The following LRRC4C variants were observed in gnomAD, a reference collection of about 807,000 sequenced individuals.
LRRC4C encodes leucine rich repeat containing 4C, also known as leucine-rich repeat-containing protein 4C.
Under a neutral mutation model 33.6 loss-of-function variants are expected in LRRC4C, and 5 were observed. The ratio of observed to expected loss-of-function variants is 0.15; its 90% CI spans 0.08 to 0.31. The LOEUF (loss-of-function observed/expected upper bound fraction) is 0.31. Ranked by LOEUF, LRRC4C falls within the 10% of genes least tolerant of loss-of-function variation. LRRC4C has a pLI of 1.00. For synonymous variants in LRRC4C, 329 were observed against 302.0 expected (o/e 1.09, Z -0.93); for missense variants, 560 against 796.7 (o/e 0.70, Z 3.58).
intron 3 of LRRC4C, among the ~76,000 whole-genome samples, chr11:40,353,692 C>T (rs533316357): frequency 1.1e-4 from 16 of 152,222 alleles, no homozygotes; most frequent in African/African-American, 3.6e-4. Context: ...CCAGCCTGGG[C>T]GATACAGCGA....
In LRRC4C at chr11:41,420,706, C is replaced by G. The variant is rs1489490745; in HGVS notation, c.-496+38725G>C. Among the ~76,000 whole-genome samples, 7 of 152,124 alleles carry G rather than the reference C, an allele frequency of 4.6e-5. No homozygotes were observed. In the Middle Eastern group the frequency reaches 0.014, roughly 296 times the overall value. On this transcript the variant is annotated intron_variant, in intron 1 of 6. Transcript: ENST00000528697. ...TTCTTGGCTTTCAATCATGGCCCCA[C>G]TAATTACAAGCTGGTTACTTAACAT... is the stretch of plus-strand genomic sequence containing the variant.
At chr11:40,435,094 G>T (rs766123418) in intron 3 of LRRC4C, among the ~76,000 whole-genome samples, 1 of 152,110 alleles carries the variant, frequency 6.6e-6, no homozygotes, top group Non-Finnish European at 1.5e-5. Flanking sequence ...GTAGGAGTAG[G>T]ATAAAAATAT....
At chr11:41,003,995 T>A (rs1188826267) in intron 1 of LRRC4C, among the ~76,000 whole-genome samples, 2 of 151,694 alleles carry the variant, frequency 1.3e-5, no homozygotes, top group Non-Finnish European at 2.9e-5. Context: ...TGGGGACAAG[T>A]GTCAAGGACA....
At chr11:40,851,610 A>T (rs1478168181) in intron 2 of LRRC4C, among the ~76,000 whole-genome samples, 1 of 152,022 alleles carries the variant, frequency 6.6e-6, no homozygotes, top group Non-Finnish European at 1.5e-5. Flanking sequence ...CTAATTTTTT[A>T]ATTTAAAAAA....
At chr11:40,444,980 A>G (rs2061393832) in intron 3 of LRRC4C, among the ~76,000 whole-genome samples, 2 of 152,168 alleles carry the variant, frequency 1.3e-5, no homozygotes, top group African/African-American at 4.8e-5. Context: ...TCTTTCTTAA[A>G]TCTTAGTGAT....
chr11:40,629,653 A>G (rs1963281626), intron 3 of LRRC4C, among the ~76,000 whole-genome samples: 1 of 152,184 alleles, frequency 6.6e-6, no homozygotes, highest in African/African-American at 2.4e-5. Context: ...GATTAAGAAC[A>G]TTGAGTATAG....
At chr11:40,320,461 G>C (rs769334322) in intron 3 of LRRC4C, among the ~76,000 whole-genome samples, 2 of 152,068 alleles carry the variant, frequency 1.3e-5, no homozygotes, top group Non-Finnish European at 2.9e-5. Context: ...AGCTGAGATC[G>C]CGCCACTGCA....
At chr11:40,777,384 T>C (rs566982479) in intron 2 of LRRC4C, among the ~76,000 whole-genome samples, 2 of 152,248 alleles carry the variant, frequency 1.3e-5, no homozygotes, top group African/African-American at 4.8e-5. Context: ...GAAATACTTG[T>C]TTTATGAATC....
intron 4 of LRRC4C, among the ~76,000 whole-genome samples, chr11:40,311,139 G>T: frequency 6.6e-6 from 1 of 152,084 alleles, no homozygotes; most frequent in East Asian, 1.9e-4. Flanking sequence ...AAAATCTTCT[G>T]TGATCAAGGC....
chr11:40,515,733 A>G lies in LRRC4C; in HGVS notation c.-270+132409T>C, dbSNP rs1278432187. The stretch of plus-strand genomic sequence containing the variant: ...ATTTTAAAATGCAGTAAAATTTCCA[A>G]CAATTATTAAAAATCAGGTGTTTTT... On this transcript the variant is annotated intron_variant, in intron 3 of 6. Transcript: ENST00000528697. Among the ~76,000 whole-genome samples, 4 of 152,226 alleles carry G rather than the reference A, an allele frequency of 2.6e-5. No individual in the cohort carries two copies. In the East Asian group the frequency reaches 7.7e-4, roughly 29 times the overall value.
At position 40,796,227 on chromosome 11, in the gene LRRC4C, T is replaced by C. The variant is rs552766037; in HGVS notation, c.-407+137408A>G. Reference sequence around the variant, plus strand: ...GATACAAAACCATTAAAATAGATGATAGTAAGGGGATGGAACAAATGTCTC... The same window carrying C: ...GATACAAAACCATTAAAATAGATGACAGTAAGGGGATGGAACAAATGTCTC... On this transcript the variant is annotated intron_variant, in intron 2 of 6. Transcript: ENST00000528697. Among the ~76,000 whole-genome samples the C allele has an allele frequency of 5.3e-5, 8 of 152,144 alleles. No homozygotes were observed. The South Asian group carries it at 1.7e-3, about 32-fold the overall frequency.
rs74831329 is a variant in LRRC4C at position 41,136,903 on chromosome 11, T to C, written c.-495-203180A>G. On this transcript the variant is annotated intron_variant, in intron 1 of 6. Transcript: ENST00000528697. ...AACTTTAAGTGTGATATTGCCTACA[T>C]AAATTTTGTGTCACCATTTTGGTAA... Among the ~76,000 whole-genome samples the C allele has an allele frequency of 6.2e-3, 942 of 152,286 alleles. 15 individuals are homozygous for C. Among genetic ancestry groups the C allele is most frequent in the African/African-American group, 0.021 (892 of 41,568 alleles).
intron 6 of LRRC4C, among the ~76,000 whole-genome samples, chr11:40,119,906 C>T (rs1855705871): frequency 6.6e-6 from 1 of 152,142 alleles, no homozygotes; most frequent in South Asian, 2.1e-4. Flanking sequence ...ACCCCACGTC[C>T]ACTTACCACT....
chr11:40,716,585 C>T (rs193261546), intron 2 of LRRC4C, among the ~76,000 whole-genome samples: 11 of 152,166 alleles, frequency 7.2e-5, no homozygotes, highest in East Asian at 1.9e-4. Flanking sequence ...CGACATTGCT[C>T]CCACTCTCAC....
chr11:40,984,397 AAGAAAGAAAGAAAGAAAG>A lies in LRRC4C; in HGVS notation c.-495-50692_-495-50675del, dbSNP rs1272198513. On this transcript the variant is annotated intron_variant, in intron 1 of 6. Transcript: ENST00000528697. ...AAAGAAAGAAAGAAAGAAAGAAAGAAAGAAAGAAAGAAAGAAAGAGAAAGAAAGAAAGAGAAAAAGAAA... is the reference window on the plus strand; with the variant it reads ...AAAGAAAGAAAGAAAGAAAGAAAGAAAGAAAGAAAGAAAGAGAAAAAGAAA... Among the ~76,000 whole-genome samples, 702 of 87,376 alleles carry A rather than the reference AAGAAAGAAAGAAAGAAAG, an allele frequency of 8.0e-3. 12 individuals carry two copies. The highest frequency in any genetic ancestry group is 0.023 in the African/African-American group (678 of 29,132). 57.3% of individuals were successfully genotyped at this position (87,376 alleles called of 152,430 possible).
chr11:40,840,448 T>C (rs1952862490), intron 2 of LRRC4C, among the ~76,000 whole-genome samples: 1 of 152,152 alleles, frequency 6.6e-6, no homozygotes, highest in African/African-American at 2.4e-5. Flanking sequence ...ATTAAAATAA[T>C]GGAATAGAAA....
At chr11:41,258,486 G>A (rs1217302482) in intron 1 of LRRC4C, among the ~76,000 whole-genome samples, 1 of 151,888 alleles carries the variant, frequency 6.6e-6, no homozygotes, top group Non-Finnish European at 1.5e-5. Context: ...CATGACATAA[G>A]AAAGACAACT....
chr11:40,580,392 C>A (rs1262995990), intron 3 of LRRC4C, among the ~76,000 whole-genome samples: 2 of 152,164 alleles, frequency 1.3e-5, no homozygotes, highest in African/African-American at 4.8e-5. Flanking sequence ...GGAAACTGTT[C>A]CCGTGATCAA....
At chr11:41,241,627 A>G (rs1366931720) in intron 1 of LRRC4C, among the ~76,000 whole-genome samples, 1 of 152,180 alleles carries the variant, frequency 6.6e-6, no homozygotes, top group Non-Finnish European at 1.5e-5. Flanking sequence ...ACCAATATCT[A>G]TCATCATAGG....
Sources: allele counts gnomAD v4.1 joint callset (sites outside exome capture counted in the v4.1 genomes callset), GRCh38; gene constraint gnomAD v4.1.1; transcripts MANE v1.5; gene names NCBI Gene and HGNC (gene_info 2026-07-23, HGNC 2026-07-21).